Variants in TMEM17 observed in about 807,000 individuals in gnomAD.
TMEM17 encodes transmembrane protein 17.
In TMEM17, 15 loss-of-function variants were observed where a neutral mutation model predicts 19.1. The observed-to-expected ratio is 0.78, with a 90% CI of 0.52 to 1.21. The LOEUF (loss-of-function observed/expected upper bound fraction) is 1.21. Ranked by LOEUF, TMEM17 falls within the 50% of genes most tolerant of loss-of-function variation. The pLI, the probability that TMEM17 is intolerant of heterozygous loss-of-function variation, is 0.00. For synonymous variants in TMEM17, 103 were observed against 86.9 expected, an observed-to-expected ratio of 1.19 and a Z score of -1.03; for missense variants, 245 against 242.3, an observed-to-expected ratio of 1.01 and a Z score of -0.07.
chr2:62,457,133 C>A, the TMEM17 span, among the ~76,000 whole-genome samples: 1 of 152,228 alleles, frequency 6.6e-6, no homozygotes, highest in Non-Finnish European at 1.5e-5. The surrounding 1 kb of genome is among the most constrained non-coding windows in gnomAD (Gnocchi z 4.2). Context: ...CAGCATCCCC[C>A]GCGGAAAGGG....
At chr2:62,457,765 G>A in the TMEM17 span, among the ~76,000 whole-genome samples, 1 of 152,154 alleles carries the variant, frequency 6.6e-6, no homozygotes, top group African/African-American at 2.4e-5. This position sits in a 1 kb window ranked among gnomAD's most constrained non-coding sequence, Gnocchi z 4.2. Context: ...AGTTTAACTG[G>A]GTGCGCTCTC....
the TMEM17 span, among the ~76,000 whole-genome samples, chr2:62,491,923 A>T: frequency 6.7e-6 from 1 of 149,050 alleles, no homozygotes; most frequent in African/African-American, 2.5e-5. Flanking sequence ...CAGGCAAAAA[A>T]CCAAAAAAAA....
chr2:62,491,691 C>T, the TMEM17 span, among the ~76,000 whole-genome samples: 1 of 152,000 alleles, frequency 6.6e-6, no homozygotes, highest in East Asian at 1.9e-4. Flanking sequence ...ACATAATATA[C>T]AAGTGTTATA....
chr2:62,503,046 T>C (rs896023036), intron 1 of TMEM17, among the ~76,000 whole-genome samples: 1 of 152,250 alleles, frequency 6.6e-6, no homozygotes, highest in Non-Finnish European at 1.5e-5. Flanking sequence ...TTCTGACTTT[T>C]TGGCATATAC....
the TMEM17 span, among the ~76,000 whole-genome samples, chr2:62,465,806 G>A: frequency 1.3e-5 from 2 of 152,180 alleles, no homozygotes; most frequent in East Asian, 3.8e-4. Flanking sequence ...TCAAAAACAG[G>A]AGGACTAGCA....
chr2:62,493,393 C>T, the TMEM17 span, among the ~76,000 whole-genome samples: 1 of 152,050 alleles, frequency 6.6e-6, no homozygotes, highest in African/African-American at 2.4e-5. Flanking sequence ...TTTTAGATTT[C>T]CTGATAAACA....
chr2:62,461,651 G>A, the TMEM17 span, among the ~76,000 whole-genome samples: 41 of 152,292 alleles, frequency 2.7e-4, 1 homozygote, highest in Non-Finnish European at 3.8e-4. Context: ...CCCTCTGGGG[G>A]CGTCTATTAA....
chr2:62,483,495 A>G, the TMEM17 span, among the ~76,000 whole-genome samples: 1 of 152,338 alleles, frequency 6.6e-6, no homozygotes, highest in South Asian at 2.1e-4. Context: ...TTGAACAGAC[A>G]AAGCAAATAG....
chr2:62,485,858 A>G, the TMEM17 span, among the ~76,000 whole-genome samples: 1 of 152,116 alleles, frequency 6.6e-6, no homozygotes, highest in African/African-American at 2.4e-5. Context: ...AGCCCCAAGA[A>G]TCCTAGTCCC....
chr2:62,466,699 C>T, the TMEM17 span, among the ~76,000 whole-genome samples: 1 of 152,184 alleles, frequency 6.6e-6, no homozygotes, highest in Non-Finnish European at 1.5e-5. Flanking sequence ...AACTGGAGGA[C>T]CTGGGACTGC....
the TMEM17 span, among the ~76,000 whole-genome samples, chr2:62,490,375 C>G: frequency 6.6e-6 from 1 of 152,106 alleles, no homozygotes; most frequent in Non-Finnish European, 1.5e-5. Context: ...GAGATCCTCC[C>G]ACCTAAACCT....
chr2:62,491,758 C>A, the TMEM17 span, among the ~76,000 whole-genome samples: 1 of 152,010 alleles, frequency 6.6e-6, no homozygotes, highest in Non-Finnish European at 1.5e-5. Context: ...TTCACAAGGA[C>A]CTACTTCAGC....
the TMEM17 span, among the ~76,000 whole-genome samples, chr2:62,483,560 T>C: frequency 3.3e-5 from 5 of 152,094 alleles, no homozygotes; most frequent in African/African-American, 9.6e-5. Context: ...ACCCTAGATA[T>C]TAAGTTGCTA....
intron 3 of TMEM17, chr2:62,501,763 G>C (rs1679935573): frequency 3.3e-6 from 1 of 306,900 alleles, no homozygotes. Flanking sequence ...GGAGTGATTA[G>C]GGTAGGTGAA....
rs755900951 is a variant in TMEM17 at position 62,501,292 on chromosome 2, G to T, written c.514C>A (p.Arg172Ser). ...LRKMVNQLAV[R>S]FHLQDFDRLS... is the part of the protein sequence containing the mutation. ...CGGTCAAAGTCTTGGAGGTGGAAAC[G>T]AACTGCCAACTGATTAACCATTTTC... Residue 172 changes from arginine (R) to serine (S), a missense_variant, in exon 4 of 4, where the codon CGT becomes AGT. By Grantham distance (110) the Arg-to-Ser change is moderately radical (BLOSUM62 -1). Coordinates refer to ENST00000335390, the MANE Select transcript of TMEM17 (RefSeq NM_198276.3). The T allele has an allele frequency of 4.3e-6, 7 of 1,614,152 alleles. No homozygotes were observed. Among genetic ancestry groups the T allele is most frequent in the Non-Finnish European group, 5.9e-6 (7 of 1,180,022 alleles).
intron 1 of TMEM17, among the ~76,000 whole-genome samples, chr2:62,505,669 G>T (rs1680047193): frequency 6.6e-6 from 1 of 152,224 alleles, no homozygotes; most frequent in Non-Finnish European, 1.5e-5. Flanking sequence ...CTTCGCTCTC[G>T]CGGCGCGCGG....
chr2:62,473,388 C>A, the TMEM17 span, among the ~76,000 whole-genome samples: 3 of 152,160 alleles, frequency 2.0e-5, no homozygotes, highest in Admixed American at 1.3e-4. Context: ...GAGGTGAGAA[C>A]ATAGTAGAGA....
At chr2:62,472,893 AT>A in the TMEM17 span, among the ~76,000 whole-genome samples, 1 of 152,254 alleles carries the variant, frequency 6.6e-6, no homozygotes. Flanking sequence ...CAAGGTGGCA[AT>A]TAAAGGCAAC....
chr2:62,479,141 G>A, the TMEM17 span, among the ~76,000 whole-genome samples: 1 of 152,132 alleles, frequency 6.6e-6, no homozygotes, highest in Non-Finnish European at 1.5e-5. Context: ...TTCGGCACTG[G>A]CAGAGAACAC....
Sources: gnomAD v4.1 joint callset for allele counts (sites outside exome capture counted in the v4.1 genomes callset) on GRCh38, gnomAD v4.1.1 for gene constraint, Gnocchi (gnomAD v3.1) non-coding constraint, MANE v1.5 for transcripts, NCBI Gene and HGNC (gene_info 2026-07-23, HGNC 2026-07-21) for gene names.